DPH3: variants seen among roughly 807,000 people sequenced by gnomAD.
DPH3 encodes diphthamide biosynthesis 3.
A neutral mutation model predicts 10.2 loss-of-function variants in DPH3; 8 were observed. The ratio of observed to expected loss-of-function variants is 0.79; its 90% CI spans 0.46 to 1.42. The LOEUF is 1.42. Among genes scored for constraint, DPH3 ranks in the 40% most tolerant of loss-of-function variants. DPH3 has a pLI of 0.00. For synonymous variants in DPH3, 35 were observed against 35.6 expected (o/e 0.98, Z 0.06); for missense variants, 96 against 98.9 (o/e 0.97, Z 0.12).
chr3:16,264,309 T>G, intron 1 of DPH3, 80 bp from the exon 2 acceptor site: 1 of 1,160,786 alleles, frequency 8.6e-7, no homozygotes, highest in Non-Finnish European at 1.2e-6. Context: ...CACCCCTAGA[T>G]GCAAGTCTCT....
chr3:16,257,992 CTGACTT>C lies in DPH3; in HGVS notation c.*2766_*2771del, dbSNP rs2064264431. ...ATAAAAGCAAATGGATTTGAATTAT[CTGACTT>C]TATTTAGCATGCAATGCAATTTATT... is the stretch of plus-strand genomic sequence containing the variant. On this transcript the variant is annotated 3_prime_UTR_variant, in exon 3 of 3. Transcript: ENST00000488423. 2 of 152,178 alleles carry C rather than the reference CTGACTT, an allele frequency of 1.3e-5. No homozygotes were observed. Among genetic ancestry groups the C allele is most frequent in the Non-Finnish European group, 2.9e-5 (2 of 68,036 alleles). 9.4% of individuals were successfully genotyped at this position (152,178 alleles called of 1,614,324 possible).
rs2064291267 is a variant in DPH3, at chr3:16,261,165, T to G, written c.184-336A>C. Among the ~76,000 whole-genome samples the G allele has an allele frequency of 6.6e-6, 1 of 152,246 alleles. No homozygotes were observed. Among genetic ancestry groups the G allele is most frequent in the Non-Finnish European group, 1.5e-5 (1 of 68,046 alleles). On this transcript the variant is annotated intron_variant, in intron 2 of 2. Transcript: ENST00000488423. This position sits in a 1 kb window ranked among gnomAD's most constrained non-coding sequence, Gnocchi z 7.1. ...TAATTACTACTTACACTAAAACTTC[T>G]CCACTTTAATATTTGGTCATTCAAA...
rs531725103 is a variant in DPH3, at chr3:16,258,224, G to A, written c.*2540C>T. 2.0e-5 allele frequency: 3 copies of A among 152,176 alleles called. No homozygotes were observed. The highest frequency in any genetic ancestry group is 6.5e-5 in the Admixed American group (1 of 15,280). 9.4% of individuals were successfully genotyped at this position (152,176 alleles called of 1,614,324 possible). On this transcript the variant is annotated 3_prime_UTR_variant, in exon 3 of 3. Transcript: ENST00000488423. The stretch of plus-strand genomic sequence containing the variant: ...TCATGATTTAGTTTGAGTTTATAAA[G>A]GTTTTAATTGCAATTTCAGTTCCTA...
chr3:16,264,283 T>C, intron 1 of DPH3, 54 bp from the exon 2 acceptor site: 1 of 1,449,780 alleles, frequency 6.9e-7, no homozygotes, highest in Non-Finnish European at 9.5e-7. Flanking sequence ...CGCCATCTCC[T>C]CCCCCAAACC....
intron 2 of DPH3, 105 bp downstream of exon 2, chr3:16,264,050 C>A: frequency 1.6e-6 from 1 of 641,604 alleles, no homozygotes; most frequent in South Asian, 4.3e-5. Flanking sequence ...CGCACTTTAC[C>A]TAGCACAATG....
chr3:16,260,853 T>C, intron 2 of DPH3, 24 bp from the exon 3 acceptor site: 1 of 1,606,522 alleles, frequency 6.2e-7, no homozygotes, highest in Non-Finnish European at 8.5e-7. Context: ...AGAAATGACA[T>C]TAACCAATGA....
rs186941349 is a variant in DPH3 at position 16,257,529 on chromosome 3, A to C, written c.*3235T>G. Among the ~76,000 whole-genome samples, 10 of 152,364 alleles carry C rather than the reference A, an allele frequency of 6.6e-5. No individual in the cohort carries two copies. The highest frequency in any genetic ancestry group is 2.4e-4 in the African/African-American group (10 of 41,594). On this transcript the variant is annotated 3_prime_UTR_variant, in exon 3 of 3. Transcript: ENST00000488423. ...CAGCTATTTTTCTAATTGCAGAATG[A>C]ATGGGTTCACACAGCAACCCTGTCA... is the stretch of plus-strand genomic sequence containing the variant.
rs989928163 is a variant in DPH3, at chr3:16,258,581, G to A, written c.*2183C>T. ...AGCTCACCACAGCCTCAAACTCCTGGGCCCAAGCAATTTGCTCAAGGCCCC... is the reference window on the plus strand; with the variant it reads ...AGCTCACCACAGCCTCAAACTCCTGAGCCCAAGCAATTTGCTCAAGGCCCC... On this transcript the variant is annotated 3_prime_UTR_variant, in exon 3 of 3. Coordinates refer to ENST00000488423, the MANE Select transcript of DPH3 (RefSeq NM_206831.3). 18 of 152,108 alleles carry A rather than the reference G, an allele frequency of 1.2e-4. No individual in the cohort carries two copies. The highest frequency in any genetic ancestry group is 4.3e-4 in the African/African-American group (18 of 41,400). The allele number at this position is 152,108 out of a possible 1,614,324, so 9.4% of individuals were successfully genotyped here.
rs2064286006 is a variant in DPH3 at position 16,260,619 on chromosome 3, A to G, written c.*145T>C. 1.9e-5 allele frequency: 12 copies of G among 616,038 alleles called. No individual in the cohort carries two copies. Among genetic ancestry groups the G allele is most frequent in the Middle Eastern group, 6.3e-4 (2 of 3,152 alleles). 38.2% of individuals were successfully genotyped at this position (616,038 alleles called of 1,614,324 possible). On this transcript the variant is annotated 3_prime_UTR_variant, in exon 3 of 3. Coordinates refer to ENST00000488423, the MANE Select transcript of DPH3 (RefSeq NM_206831.3). ...GTTATGGACTTGCTTCCTGAAGATG[A>G]TATCAGCAGTTGATAGAAAGAATCC...
chr3:16,262,707 T>C lies in DPH3; in HGVS notation c.183+1448A>G, dbSNP rs1481825530. Among the ~76,000 whole-genome samples, 1 of 152,188 alleles carries C rather than the reference T, an allele frequency of 6.6e-6. No homozygotes were observed. The highest frequency in any genetic ancestry group is 2.4e-5 in the African/African-American group (1 of 41,440). On this transcript the variant is annotated intron_variant, in intron 2 of 2. Coordinates refer to ENST00000488423, the MANE Select transcript of DPH3 (RefSeq NM_206831.3). The surrounding 1 kb of genome is among the most constrained non-coding windows in gnomAD (Gnocchi z 4.7). ...GCCAGACATGCATATCCAATTGCCT[T>C]CTCAACAGCTCAACTTGGATGACAG...
rs372476183 is a variant in DPH3, at chr3:16,264,107, C to G, written c.183+48G>C. On this transcript the variant is annotated intron_variant, in intron 2 of 2. Coordinates refer to ENST00000488423, the MANE Select transcript of DPH3 (RefSeq NM_206831.3). Reference sequence around the variant, plus strand: ...ACTGACAAGCTGATCTAAGTCCTTGCCACTGACTTACAATACCCTTCCCCC... The same window carrying G: ...ACTGACAAGCTGATCTAAGTCCTTGGCACTGACTTACAATACCCTTCCCCC... The G allele has an allele frequency of 3.3e-5, 45 of 1,360,040 alleles. No individual in the cohort carries two copies. In the African/African-American group the frequency reaches 5.7e-4, roughly 17 times the overall value. The allele number at this position is 1,360,040 out of a possible 1,614,324, so 84.2% of individuals were successfully genotyped here. A position where few individuals can be genotyped will look rare whatever the true frequency, so the allele number is the denominator to read the frequency against.
rs1006952348 is a variant in DPH3 at position 16,264,628 on chromosome 3, G to A, written c.108+141C>T. On this transcript the variant is annotated intron_variant, in intron 1 of 2. Transcript: ENST00000488423. ...CTCAGGGCATTAGTTGGGGTGGGGG[G>A]ACGCGGGAGGAGGAAGATTCAGCAA... is the stretch of plus-strand genomic sequence containing the variant. 1.1e-5 allele frequency: 9 copies of A among 802,390 alleles called. No homozygotes were observed. In the Middle Eastern group the frequency reaches 1.1e-3, roughly 99 times the overall value. The allele number at this position is 802,390 out of a possible 1,614,324, so 49.7% of individuals were successfully genotyped here.
At position 16,260,440 on chromosome 3, in the gene DPH3, T is replaced by A. The variant is rs756798573; in HGVS notation, c.*324A>T. On this transcript the variant is annotated 3_prime_UTR_variant, in exon 3 of 3. Transcript: ENST00000488423. ...CTAATGACTGAGGTAGATGATGCTGTTGTCAGATACCGAAGTAATTTGGTT... is the reference window on the plus strand; with the variant it reads ...CTAATGACTGAGGTAGATGATGCTGATGTCAGATACCGAAGTAATTTGGTT... 1.2e-5 allele frequency: 3 copies of A among 247,380 alleles called. No homozygotes were observed. Among genetic ancestry groups the A allele is most frequent in the Non-Finnish European group, 2.3e-5 (3 of 129,420 alleles). The allele number at this position is 247,380 out of a possible 1,614,324, so 15.3% of individuals were successfully genotyped here.
rs949481104 is a variant in DPH3, at chr3:16,259,294, C to A, written c.*1470G>T. ...CATAATGTACTGAGCATTTTCAGCT[C>A]GGTACATTATAATTTTTGGTAATTT... is the stretch of plus-strand genomic sequence containing the variant. On this transcript the variant is annotated 3_prime_UTR_variant, in exon 3 of 3. Transcript: ENST00000488423. 1.3e-5 allele frequency: 2 copies of A among 152,186 alleles called. No individual in the cohort carries two copies. The highest frequency in any genetic ancestry group is 2.9e-5 in the Non-Finnish European group (2 of 68,036). 9.4% of individuals were successfully genotyped at this position (152,186 alleles called of 1,614,324 possible).
Position 16,258,253 on chromosome 3 carries a change from G to C in DPH3, c.*2511C>G, listed in dbSNP as rs1480361924. On this transcript the variant is annotated 3_prime_UTR_variant, in exon 3 of 3. Coordinates refer to ENST00000488423, the MANE Select transcript of DPH3 (RefSeq NM_206831.3). ...TTAATTGCAATTTCAGTTCCTACAA[G>C]CTACCAAGCCTGAAATTAGAGAACT... 1 of 152,142 alleles carries C rather than the reference G, an allele frequency of 6.6e-6. No individual in the cohort carries two copies. Among genetic ancestry groups the C allele is most frequent in the Non-Finnish European group, 1.5e-5 (1 of 68,034 alleles). The allele number at this position is 152,142 out of a possible 1,614,324, so 9.4% of individuals were successfully genotyped here.
rs2064255318 is a variant in DPH3 at position 16,257,140 on chromosome 3, G to A, written c.*3624C>T. On this transcript the variant is annotated 3_prime_UTR_variant, in exon 3 of 3. Transcript: ENST00000488423. ...TACAGCAGCAGAACATGGACTAGGA[G>A]AAAGCGCAAAACAATGTTTAATTCC... Among the ~76,000 whole-genome samples, 1 of 152,226 alleles carries A rather than the reference G, an allele frequency of 6.6e-6. No homozygotes were observed. The highest frequency in any genetic ancestry group is 2.4e-5 in the African/African-American group (1 of 41,444).
Position 16,264,181 on chromosome 3 carries a change from G to C in DPH3, c.157C>G (p.Leu53Val). The change falls in exon 2 of 3, where the codon CTC (leucine) becomes GTC (valine). Residue 53 changes from leucine (L) to valine (V), a missense_variant. Physicochemically the swap from Leu to Val is conservative, Grantham distance 32 (BLOSUM62 1). Coordinates refer to ENST00000488423, the MANE Select transcript of DPH3 (RefSeq NM_206831.3). ...TTGTCATAAATCACTTTTATAATGA[G>C]AGAGCAGCTAGGACACGTTGCCACG... Reference protein sequence around the residue: ...EDVATCPSCSLIIKVIYDKDQ... With the variant: ...EDVATCPSCSVIIKVIYDKDQ... The C allele has an allele frequency of 6.2e-7, 1 of 1,610,946 alleles. No individual in the cohort carries two copies. The highest frequency in any genetic ancestry group is 1.1e-5 in the South Asian group (1 of 90,792).
chr3:16,264,710 A>G, intron 1 of DPH3, 59 bp downstream of exon 1: 1 of 1,528,056 alleles, frequency 6.5e-7, no homozygotes, highest in East Asian at 2.3e-5. Context: ...GATGGAAGGA[A>G]CGGGCGGAAC....
rs956413807 is a variant in DPH3, at chr3:16,262,378, T to C, written c.184-1549A>G. Among the ~76,000 whole-genome samples the C allele has an allele frequency of 6.6e-5, 10 of 152,234 alleles. No homozygotes were observed. The highest frequency in any genetic ancestry group is 2.4e-4 in the African/African-American group (10 of 41,456). On this transcript the variant is annotated intron_variant, in intron 2 of 2. Coordinates refer to ENST00000488423, the MANE Select transcript of DPH3 (RefSeq NM_206831.3). The surrounding 1 kb of genome is among the most constrained non-coding windows in gnomAD (Gnocchi z 4.7). The stretch of plus-strand genomic sequence containing the variant: ...GCTAAAGCTAATGGTTAATTCTTGA[T>C]TGCTTCCTATCAGTGTCACGTGACA...
Sources: allele counts gnomAD v4.1 joint callset (sites outside exome capture counted in the v4.1 genomes callset), GRCh38; gene constraint gnomAD v4.1.1; non-coding constraint Gnocchi (gnomAD v3.1); transcripts MANE v1.5; gene names NCBI Gene and HGNC (gene_info 2026-07-23, HGNC 2026-07-21).